Variants in ABHD3 observed in about 807,000 individuals in gnomAD.
The protein encoded by ABHD3 is abhydrolase domain containing 3, phospholipase.
ABHD3 carries 46 observed loss-of-function variants against 48.8 expected under a neutral mutation model. The observed-to-expected ratio is 0.94, with a 90% CI of 0.74 to 1.20. ABHD3 has a LOEUF of 1.20. Among genes scored for constraint, ABHD3 ranks in the 50% most tolerant of loss-of-function variants. The probability of loss-of-function intolerance (pLI) is 0.00; values close to 1 mark genes in which losing one functional copy is unlikely to be tolerated. For synonymous variants in ABHD3, 192 were observed against 183.7 expected, an observed-to-expected ratio of 1.04 and a Z score of -0.36; for missense variants, 490 against 497.8, an observed-to-expected ratio of 0.98 and a Z score of 0.15.
chr18:21,653,052 C>CAAA (rs745321830), intron 8 of ABHD3, among the ~76,000 whole-genome samples: 2 of 4,902 alleles, frequency 4.1e-4, no homozygotes, highest in African/African-American at 1.9e-3. Flanking sequence ...GACTCCATCT[C>CAAA]AAAAAAAAAA....
At chr18:21,669,413 C>T (rs1340064553) in intron 4 of ABHD3, among the ~76,000 whole-genome samples, 2 of 152,102 alleles carry the variant, frequency 1.3e-5, no homozygotes, top group East Asian at 1.9e-4. Flanking sequence ...ACCCCAAATG[C>T]AGGTAGGTAT....
intron 3 of ABHD3, among the ~76,000 whole-genome samples, chr18:21,698,812 C>A (rs1353286049): frequency 6.6e-6 from 1 of 152,152 alleles, no homozygotes; most frequent in Non-Finnish European, 1.5e-5. Context: ...AACTCCTGAC[C>A]TCAGGTGATC....
At chr18:21,687,928 A>G (rs554633111) in intron 3 of ABHD3, among the ~76,000 whole-genome samples, 1 of 152,350 alleles carries the variant, frequency 6.6e-6, no homozygotes, top group Non-Finnish European at 1.5e-5. Context: ...TGCCAGTAGC[A>G]CATGCCCCAG....
intron 5 of ABHD3, chr18:21,663,624 C>T: frequency 2.6e-6 from 4 of 1,514,954 alleles, no homozygotes; most frequent in South Asian, 2.4e-5. Flanking sequence ...TAGGAGAGCA[C>T]TCCACAGTAG....
chr18:21,654,497 A>C (rs937498880), intron 8 of ABHD3, among the ~76,000 whole-genome samples: 1 of 152,186 alleles, frequency 6.6e-6, no homozygotes, highest in Non-Finnish European at 1.5e-5. Flanking sequence ...AGTGGTCCTG[A>C]GTTCACGTCC....
intron 3 of ABHD3, among the ~76,000 whole-genome samples, chr18:21,687,354 G>A (rs2040150705): frequency 6.6e-6 from 1 of 151,222 alleles, no homozygotes; most frequent in Admixed American, 6.6e-5. Context: ...GACTACAGGT[G>A]CCTACCACCA....
At chr18:21,664,416 G>A in intron 4 of ABHD3, 186 bp from the exon 5 acceptor site, 1 of 554,434 alleles carries the variant, frequency 1.8e-6, no homozygotes, top group South Asian at 2.8e-5. Context: ...TTTAAAGTCA[G>A]CACAGTTAGA....
intron 8 of ABHD3, among the ~76,000 whole-genome samples, chr18:21,655,284 G>GTTTTT (rs1296017863): frequency 7.8e-6 from 1 of 127,722 alleles, no homozygotes; most frequent in Admixed American, 7.9e-5. Flanking sequence ...GAGAGAAAAA[G>GTTTTT]TTTTTTTTTT....
intron 5 of ABHD3, among the ~76,000 whole-genome samples, chr18:21,663,011 C>A (rs2039537643): frequency 6.6e-6 from 1 of 152,272 alleles, no homozygotes; most frequent in East Asian, 1.9e-4. Context: ...TTCAGAGAGT[C>A]TGCGTGGGTT....
chr18:21,695,367 G>C (rs80192885), intron 3 of ABHD3, among the ~76,000 whole-genome samples: 1 of 152,114 alleles, frequency 6.6e-6, no homozygotes, highest in Non-Finnish European at 1.5e-5. Context: ...AGCCAAGAGC[G>C]GGCCAATGTG....
chr18:21,656,945 C>T lies in ABHD3; in HGVS notation c.973G>A (p.Ala325Thr), dbSNP rs2039364754. ...GACTTCAGTCTAGGACTCGGACTGG[C>T]ATCAGTATAATAATCATCAATTGTT... is the stretch of plus-strand genomic sequence containing the variant. The part of the protein sequence containing the change: ...YQTIDDYYTD[A>T]SPSPRLKSVG... Residue 325 changes from alanine to threonine, a missense_variant, in exon 8 of 9, where the codon GCC becomes ACC. By Grantham distance (58) the Ala-to-Thr change is moderately conservative. Coordinates refer to ENST00000289119, the MANE Select transcript of ABHD3 (RefSeq NM_138340.5). The T allele has an allele frequency of 1.2e-6, 2 of 1,613,890 alleles. No individual in the cohort carries two copies. The highest frequency in any genetic ancestry group is 2.2e-5 in the East Asian group (1 of 44,850).
At chr18:21,673,926 C>A (rs903404651) in intron 4 of ABHD3, among the ~76,000 whole-genome samples, 1 of 152,038 alleles carries the variant, frequency 6.6e-6, no homozygotes, top group Admixed American at 6.6e-5. Context: ...TTTTTCAATG[C>A]TTCCCAGGGG....
chr18:21,681,838 G>A (rs533954870), intron 4 of ABHD3, among the ~76,000 whole-genome samples: 10 of 152,128 alleles, frequency 6.6e-5, no homozygotes, highest in Non-Finnish European at 1.0e-4. Context: ...TTCTTCATCT[G>A]TAAAATGCAG....
intron 8 of ABHD3, among the ~76,000 whole-genome samples, chr18:21,653,899 T>C (rs2039286479): frequency 6.6e-6 from 1 of 151,074 alleles, no homozygotes; most frequent in South Asian, 2.1e-4. Flanking sequence ...TGGAGTGCAA[T>C]GGTGTGATCT....
intron 5 of ABHD3, among the ~76,000 whole-genome samples, chr18:21,659,669 TTTTG>T (rs1568138131): frequency 3.9e-5 from 6 of 152,082 alleles, no homozygotes; most frequent in South Asian, 4.2e-4. Flanking sequence ...AGTTTTTTTT[TTTTG>T]TGTGTGTGTG....
intron 4 of ABHD3, among the ~76,000 whole-genome samples, chr18:21,669,989 A>C (rs150761440): frequency 2.0e-5 from 3 of 152,220 alleles, no homozygotes; most frequent in Non-Finnish European, 4.4e-5. Flanking sequence ...TCAATAAGAA[A>C]ATGATACCAG....
chr18:21,693,222 TAAC>T (rs1157574559), intron 3 of ABHD3, among the ~76,000 whole-genome samples: 1 of 152,226 alleles, frequency 6.6e-6, no homozygotes. Flanking sequence ...AGCTAACACT[TAAC>T]AAAATGTTTG....
intron 3 of ABHD3, among the ~76,000 whole-genome samples, chr18:21,685,313 C>CT (rs1447438412): frequency 6.6e-6 from 1 of 152,224 alleles, no homozygotes; most frequent in African/African-American, 2.4e-5. Flanking sequence ...ATACACAACT[C>CT]TGAGTCTCTT....
rs2039230559 is a variant in ABHD3 at position 21,651,859 on chromosome 18, T to C, written c.1058-96A>G. ...TCAGGAAAAGCATATACCTTTATCA[T>C]GTCTAATAAACAGAAATCAAAACAC... On this transcript the variant is annotated intron_variant, in intron 8 of 8. Transcript: ENST00000289119. 9 of 1,128,466 alleles carry C rather than the reference T, an allele frequency of 8.0e-6. No homozygotes were observed. The South Asian group carries it at 1.6e-4, about 20-fold the overall frequency. The allele number at this position is 1,128,466 out of a possible 1,614,324, so 69.9% of individuals were successfully genotyped here.
Sources: allele counts gnomAD v4.1 joint callset (sites outside exome capture counted in the v4.1 genomes callset), GRCh38; gene constraint gnomAD v4.1.1; transcripts MANE v1.5; gene names NCBI Gene and HGNC (gene_info 2026-07-23, HGNC 2026-07-21).